Variants in RPS6KA3 observed in about 807,000 individuals in gnomAD.
RPS6KA3 encodes the protein ribosomal protein S6 kinase A3.
A neutral mutation model predicts 67.2 loss-of-function variants in RPS6KA3; 4 were observed. The ratio of observed to expected loss-of-function variants is 0.06; its 90% CI spans 0.03 to 0.14. The LOEUF (loss-of-function observed/expected upper bound fraction) is 0.14. Among genes scored for constraint, RPS6KA3 ranks in the 10% least tolerant of loss-of-function variants. The pLI is 1.00. For synonymous variants in RPS6KA3, 182 were observed against 183.7 expected (o/e 0.99, Z 0.07); for missense variants, 204 against 559.0 (o/e 0.36, Z 6.40).
chrX:20,171,109 A>C (rs1208142507), intron 15 of RPS6KA3, among the ~76,000 whole-genome samples: 1 of 112,077 alleles, frequency 8.9e-6, no homozygotes, highest in Non-Finnish European at 1.9e-5. Flanking sequence ...TCTTTTCTCT[A>C]GCTTACTTTA....
intron 1 of RPS6KA3, among the ~76,000 whole-genome samples, chrX:20,246,658 CCT>C (rs934674916): frequency 8.9e-6 from 1 of 111,854 alleles, no homozygotes; most frequent in Non-Finnish European, 1.9e-5. Context: ...ATCATTTAAA[CCT>C]CTGTTTCCCC....
chrX:20,207,894 C>G (rs1174143782), intron 3 of RPS6KA3, among the ~76,000 whole-genome samples: 1 of 111,950 alleles, frequency 8.9e-6, no homozygotes, highest in African/African-American at 3.2e-5. Context: ...TGGTGCTGTT[C>G]TGAAACTTGC....
At position 20,250,785 on chromosome X, in the gene RPS6KA3, A is replaced by T. The variant is rs760644694; in HGVS notation, c.69+15779T>A. Among the ~76,000 whole-genome samples, 7 of 111,484 alleles carry T rather than the reference A, an allele frequency of 6.3e-5. No homozygotes were observed. In the East Asian group the frequency reaches 2.0e-3, roughly 31 times the overall value. The stretch of plus-strand genomic sequence containing the variant: ...TTTGTTTTGCTAGTTTTTGTTGAGG[A>T]TTCTGTGTCTATGTGCTTCAGGGAT... On this transcript the variant is annotated intron_variant, in intron 1 of 21. Transcript: ENST00000379565.
At chrX:20,261,703 C>T (rs1165318969) in intron 1 of RPS6KA3, among the ~76,000 whole-genome samples, 1 of 112,182 alleles carries the variant, frequency 8.9e-6, no homozygotes, top group Non-Finnish European at 1.9e-5. Context: ...TTTGCTAAAT[C>T]ATGACAAAAC....
chrX:20,215,555 T>C (rs1385824557), intron 2 of RPS6KA3, among the ~76,000 whole-genome samples: 1 of 111,741 alleles, frequency 8.9e-6, no homozygotes, highest in Non-Finnish European at 1.9e-5. Context: ...ACTTTATATA[T>C]ATGGAAAATT....
chrX:20,175,850 A>G (rs751334187), intron 13 of RPS6KA3, among the ~76,000 whole-genome samples: 4 of 111,503 alleles, frequency 3.6e-5, no homozygotes, highest in Non-Finnish European at 7.5e-5. Context: ...AAGATAGCTT[A>G]GAGAGTTATC....
chrX:20,194,019 T>C (rs1417599467), intron 6 of RPS6KA3, among the ~76,000 whole-genome samples, 170 bp downstream of exon 6: 1 of 112,671 alleles, frequency 8.9e-6, no homozygotes, highest in Admixed American at 9.4e-5. Context: ...TTTAAAGTCC[T>C]GCTTTCAGAA....
intron 10 of RPS6KA3, among the ~76,000 whole-genome samples, chrX:20,178,501 T>C (rs1420738361): frequency 4.0e-5 from 4 of 99,374 alleles, no homozygotes; most frequent in Non-Finnish European, 8.0e-5. Context: ...TTTTTTTTTT[T>C]AAGACAGAGT....
In RPS6KA3 at chrX:20,151,387, CT is replaced by C. The variant is rs1422945758; in HGVS notation, c.*4010del. The stretch of plus-strand genomic sequence containing the variant: ...AAGCAACCTGGGGTTGAAAAGAGGA[CT>C]GTTTTCATTAATTGAAATAAAAATA... On this transcript the variant is annotated 3_prime_UTR_variant, in exon 22 of 22. Coordinates refer to ENST00000379565, the MANE Select transcript of RPS6KA3 (RefSeq NM_004586.3). 4 of 112,553 alleles carry C rather than the reference CT, an allele frequency of 3.6e-5. No individual in the cohort carries two copies. The highest frequency in any genetic ancestry group is 1.9e-4 in the Admixed American group (2 of 10,577). The allele number at this position is 112,553 out of a possible 1,213,427, so 9.3% of individuals were successfully genotyped here.
At chrX:20,195,008 CT>C in intron 5 of RPS6KA3, 56 bp downstream of exon 5, 1 of 701,541 alleles carries the variant, frequency 1.4e-6, no homozygotes, top group South Asian at 2.2e-5. Context: ...TCTGAATGTC[CT>C]CAGGGATTTT....
rs113809267 is a variant in RPS6KA3 at position 20,186,069 on chromosome X, ACT to A, written c.845+225_845+226del. Among the ~76,000 whole-genome samples the A allele has an allele frequency of 0.024, 2,633 of 111,077 alleles. 87 individuals carry two copies. The highest frequency in any genetic ancestry group is 0.081 in the African/African-American group (2,484 of 30,545). ...ATTCTCCCACCTCAGCCTCCTGAGTACTGCTGAGACTACAGGTGTGTACCACC... is the reference window on the plus strand; with the variant it reads ...ATTCTCCCACCTCAGCCTCCTGAGTAGCTGAGACTACAGGTGTGTACCACC... On this transcript the variant is annotated intron_variant, in intron 10 of 21. Coordinates refer to ENST00000379565, the MANE Select transcript of RPS6KA3 (RefSeq NM_004586.3).
intron 4 of RPS6KA3, 119 bp downstream of exon 4, chrX:20,203,903 A>G: frequency 1.7e-6 from 1 of 572,089 alleles, no homozygotes; most frequent in Non-Finnish European, 3.1e-6. Context: ...CTAAATTTAA[A>G]GCTGGTAACA....
At chrX:20,155,616 A>G (rs2067170697) in intron 21 of RPS6KA3, 96 bp from the exon 22 acceptor site, 1 of 1,000,396 alleles carries the variant, frequency 1.0e-6, no homozygotes, top group Non-Finnish European at 1.4e-6. Flanking sequence ...GCAAATGTAC[A>G]TAGATTTTAT....
chrX:20,181,388 G>A (rs747312302), intron 10 of RPS6KA3, among the ~76,000 whole-genome samples: 18 of 110,427 alleles, frequency 1.6e-4, no homozygotes, highest in African/African-American at 5.9e-4. Context: ...ATGGAGGGAG[G>A]GAGTGGCCAC....
chrX:20,225,261 T>G (rs188479984), intron 2 of RPS6KA3, among the ~76,000 whole-genome samples: 3,233 of 102,706 alleles, frequency 0.031, 134 homozygotes, highest in African/African-American at 0.1. Context: ...TTTTGTTTTT[T>G]TTTTTTTTAA....
chrX:20,187,706 G>A (rs770059753), intron 9 of RPS6KA3, 122 bp downstream of exon 9: 1 of 621,785 alleles, frequency 1.6e-6, no homozygotes, highest in Non-Finnish European at 2.7e-6. Flanking sequence ...AATGTTTCTT[G>A]GTTATTTATT....
At chrX:20,177,734 G>A (rs1054236999) in intron 10 of RPS6KA3, among the ~76,000 whole-genome samples, 3 of 111,689 alleles carry the variant, frequency 2.7e-5, no homozygotes, top group Admixed American at 9.5e-5. Flanking sequence ...GTATAGCCTC[G>A]GAACTCCTCC....
rs1176398352 is a variant in RPS6KA3, at chrX:20,266,723, A to AGCGGCG, written c.-97_-92dup. The AGCGGCG allele has an allele frequency of 1.5e-4, 81 of 525,417 alleles. No individual in the cohort carries two copies. Among genetic ancestry groups the AGCGGCG allele is most frequent in the African/African-American group, 2.4e-4 (6 of 25,351 alleles). 43.3% of individuals were successfully genotyped at this position (525,417 alleles called of 1,213,427 possible). On this transcript the variant is annotated 5_prime_UTR_variant, in exon 1 of 22. Transcript: ENST00000379565. ...TCCGTCGCCGCCCGAGCCCCACGGCAGCGGCGGCGGCGGCGGCGGCGGCGG... is the reference window on the plus strand; with the variant it reads ...TCCGTCGCCGCCCGAGCCCCACGGCAGCGGCGGCGGCGGCGGCGGCGGCGGCGGCGG...
At position 20,167,620 on chromosome X, in the gene RPS6KA3, G is replaced by A. The variant is rs746538840; in HGVS notation, c.1571C>T (p.Thr524Ile). ...REASAVLFTI[T>I]KTVEYLHAQG... ...TGCGTGAAGATATTCAACGGTTTTAGTTATAGTGAACAGGACAGCACTGGC... is the reference window on the plus strand; with the variant it reads ...TGCGTGAAGATATTCAACGGTTTTAATTATAGTGAACAGGACAGCACTGGC... The change falls in exon 17 of 22, where the codon ACT becomes ATT. Residue 524 changes from threonine (T) to isoleucine (I), a missense_variant. By Grantham distance (89) the Thr-to-Ile change is moderately conservative. Around this residue, in one of 4 missense-constraint regions of RPS6KA3, gnomAD observed 73 missense variants for 241.1 expected, o/e 0.30. Coordinates refer to ENST00000379565, the MANE Select transcript of RPS6KA3 (RefSeq NM_004586.3). 8.3e-7 allele frequency: 1 copy of A among 1,210,949 alleles called. No individual in the cohort carries two copies. Among genetic ancestry groups the A allele is most frequent in the Admixed American group, 2.2e-5 (1 of 46,039 alleles).
Sources: gnomAD v4.1 joint callset for allele counts (sites outside exome capture counted in the v4.1 genomes callset) on GRCh38, gnomAD v4.1.1 for gene constraint, gnomAD v4.1.1 regional missense constraint, MANE v1.5 for transcripts, NCBI Gene and HGNC (gene_info 2026-07-23, HGNC 2026-07-21) for gene names.